Variants in XIST observed in about 807,000 individuals in gnomAD.
The protein encoded by XIST is X inactive specific transcript (non-protein coding).
chrX:73,827,159 G>A (rs1569511698), exon 6 of XIST: 1 of 558,489 alleles, frequency 1.8e-6, no homozygotes, highest in South Asian at 2.2e-5. Context: ...CTGCAGTCTA[G>A]GGCCTTGTTT....
chrX:73,849,806 C>G, exon 1 of XIST: 1 of 354,383 alleles, frequency 2.8e-6, no homozygotes, highest in Non-Finnish European at 5.3e-6. Flanking sequence ...TCGAGAGAAG[C>G]TGGGCGGGAC....
intron 1 of XIST, among the ~76,000 whole-genome samples, chrX:73,838,082 T>C (rs1438463786): frequency 9.0e-6 from 1 of 111,544 alleles, no homozygotes; most frequent in East Asian, 2.8e-4. Flanking sequence ...AGTAGCTAAT[T>C]TTCAGTCAAG....
At chrX:73,825,302 T>C (rs981729556) in exon 6 of XIST, 2 of 557,908 alleles carry the variant, frequency 3.6e-6, no homozygotes, top group East Asian at 3.2e-5. Flanking sequence ...AATTTATTCA[T>C]TTATCAAACA....
exon 6 of XIST, chrX:73,821,439 A>G (rs1364441287): frequency 1.8e-6 from 1 of 557,498 alleles, no homozygotes. Flanking sequence ...CACTTAATAA[A>G]TTCCATTCTT....
At chrX:73,831,662 A>G (rs1922386730) in intron 3 of XIST, among the ~76,000 whole-genome samples, 1 of 111,683 alleles carries the variant, frequency 9.0e-6, no homozygotes, top group Non-Finnish European at 1.9e-5. Flanking sequence ...AGAGGTTGAA[A>G]CTAATGGAAG....
chrX:73,833,488 T>C (rs1232586884), intron 2 of XIST: 5 of 435,672 alleles, frequency 1.1e-5, no homozygotes, highest in Non-Finnish European at 1.6e-5. Flanking sequence ...GCATTAGACA[T>C]AGGTATCTCC....
exon 1 of XIST, chrX:73,844,806 G>A: frequency 3.6e-6 from 2 of 557,592 alleles, no homozygotes; most frequent in South Asian, 2.2e-5. Flanking sequence ...GATAGGCCGT[G>A]TGCAGTTACA....
At chrX:73,849,942 G>A in exon 1 of XIST, 1 of 554,730 alleles carries the variant, frequency 1.8e-6, no homozygotes, top group South Asian at 2.3e-5. Context: ...CAGGGCTGGG[G>A]AGGAACTGGA....
At chrX:73,821,774 C>A (rs772577581) in exon 6 of XIST, 1 of 512,542 alleles carries the variant, frequency 2.0e-6, no homozygotes, top group Non-Finnish European at 3.5e-6. Context: ...TTTTTCCTTT[C>A]AATTTTGGCC....
exon 6 of XIST, chrX:73,820,688 C>T (rs1284676293): frequency 3.7e-6 from 2 of 535,881 alleles, no homozygotes; most frequent in Admixed American, 2.5e-5. Context: ...TTTACAATAG[C>T]AACCAACTCC....
At chrX:73,850,704 G>C (rs1206843643) in exon 1 of XIST, 3 of 265,941 alleles carry the variant, frequency 1.1e-5, no homozygotes, top group Admixed American at 7.9e-5. Context: ...GGGTAGGGGG[G>C]TAGGGGGGTG....
intron 2 of XIST, chrX:73,833,597 A>G (rs1271009454): frequency 1.2e-5 from 3 of 260,473 alleles, no homozygotes; most frequent in African/African-American, 8.4e-5. Context: ...AAAGAACTAC[A>G]TGAAAATATG....
chrX:73,848,818 A>G (rs1227332690), exon 1 of XIST: 1 of 557,026 alleles, frequency 1.8e-6, no homozygotes, highest in African/African-American at 2.2e-5. Flanking sequence ...TCCTAGACTA[A>G]TGAGTGGGAC....
At chrX:73,821,846 T>C (rs1276184930) in exon 6 of XIST, 13 of 543,540 alleles carry the variant, frequency 2.4e-5, no homozygotes, top group Non-Finnish European at 3.3e-6. Context: ...TAAGCTGTTT[T>C]CATCCACTGA....
At chrX:73,836,865 A>G (rs572034390) in intron 2 of XIST, among the ~76,000 whole-genome samples, 9 of 111,884 alleles carry the variant, frequency 8.0e-5, no homozygotes, top group South Asian at 7.4e-4. Flanking sequence ...GTTATATCAA[A>G]GCCAAATGAA....
exon 1 of XIST, chrX:73,851,284 C>T (rs1048521538): frequency 7.2e-6 from 4 of 559,326 alleles, no homozygotes; most frequent in Non-Finnish European, 1.3e-5. Flanking sequence ...CAACGCCTGC[C>T]ATATTGTCCC....
chrX:73,831,263 T>C (rs1922374227), exon 4 of XIST: 1 of 536,792 alleles, frequency 1.9e-6, no homozygotes, highest in South Asian at 2.4e-5. Flanking sequence ...AGCCTATTCT[T>C]CTGAGGAAGA....
At chrX:73,842,691 G>C in exon 1 of XIST, 1 of 558,402 alleles carries the variant, frequency 1.8e-6, no homozygotes, top group Non-Finnish European at 3.2e-6. Flanking sequence ...GCGAAAGGAA[G>C]TAGAGGGGTT....
At chrX:73,823,328 A>G (rs1422591449) in exon 6 of XIST, 1 of 461,562 alleles carries the variant, frequency 2.2e-6, no homozygotes, top group Admixed American at 3.8e-5. Flanking sequence ...TTTTTTTTTA[A>G]TCTCAAAGGC....
Sources: gnomAD v4.1 joint callset for allele counts (sites outside exome capture counted in the v4.1 genomes callset) on GRCh38, gnomAD v4.1.1 for gene constraint, MANE v1.5 for transcripts, NCBI Gene and HGNC (gene_info 2026-07-23, HGNC 2026-07-21) for gene names.